GRM1: variants seen among roughly 807,000 people sequenced by gnomAD.
GRM1 encodes metabotropic glutamate receptor 1.
Under a neutral mutation model 90.9 loss-of-function variants are expected in GRM1, and 33 were observed. The observed-to-expected ratio is 0.36, with a 90% CI of 0.28 to 0.49. The LOEUF (loss-of-function observed/expected upper bound fraction) is 0.49. Ranked by LOEUF, GRM1 falls within the 20% of genes least tolerant of loss-of-function variation. The pLI, the probability that GRM1 is intolerant of heterozygous loss-of-function variation, is 0.99. For missense variants in GRM1, 1,190 were observed against 1,534.3 expected (o/e 0.78, Z 3.75); for synonymous variants, 700 against 613.2 (o/e 1.14, Z -2.09).
chr6:146,292,181 TGAAACCA>T (rs1783011275), intron 2 of GRM1, among the ~76,000 whole-genome samples: 1 of 151,904 alleles, frequency 6.6e-6, no homozygotes, highest in African/African-American at 2.4e-5. Flanking sequence ...ATATAAGAGG[TGAAACCA>T]TAAAATTTTA....
At chr6:146,295,111 G>A (rs1473987821) in intron 2 of GRM1, among the ~76,000 whole-genome samples, 1 of 151,926 alleles carries the variant, frequency 6.6e-6, no homozygotes, top group Admixed American at 6.6e-5. Flanking sequence ...GCCTTCTGTT[G>A]GAGAGTTTAG....
chr6:146,210,152 A>G (rs991863023), intron 2 of GRM1, among the ~76,000 whole-genome samples: 2 of 152,156 alleles, frequency 1.3e-5, no homozygotes, highest in African/African-American at 4.8e-5. Flanking sequence ...CAGCAGATTG[A>G]GTTGCAATGT....
At chr6:146,145,252 A>T (rs1340853711) in intron 1 of GRM1, among the ~76,000 whole-genome samples, 1 of 152,230 alleles carries the variant, frequency 6.6e-6, no homozygotes, top group Admixed American at 6.5e-5. Context: ...CTCAGCAACC[A>T]TATGGTGAAG....
At chr6:146,141,272 G>A (rs1776870387) in intron 1 of GRM1, among the ~76,000 whole-genome samples, 1 of 147,250 alleles carries the variant, frequency 6.8e-6, no homozygotes, top group Non-Finnish European at 1.5e-5. Flanking sequence ...TCCATTGTCT[G>A]TTCTTAGTTT....
intron 2 of GRM1, among the ~76,000 whole-genome samples, chr6:146,208,653 T>G (rs566723785): frequency 1.3e-5 from 2 of 152,264 alleles, no homozygotes; most frequent in African/African-American, 4.8e-5. Flanking sequence ...TACCTTTGAA[T>G]TTCACATATA....
At chr6:146,175,469 G>A (rs775003441) in intron 2 of GRM1, among the ~76,000 whole-genome samples, 1 of 152,172 alleles carries the variant, frequency 6.6e-6, no homozygotes, top group Non-Finnish European at 1.5e-5. Context: ...CTCACAAGTT[G>A]TCTGGACATG....
At chr6:146,317,328 G>T (rs1388010332) in intron 3 of GRM1, among the ~76,000 whole-genome samples, 1 of 152,158 alleles carries the variant, frequency 6.6e-6, no homozygotes, top group South Asian at 2.1e-4. Context: ...GCCTAAACAT[G>T]TAAGCTCAGT....
chr6:146,194,772 C>T lies in GRM1; in HGVS notation c.950+35175C>T, dbSNP rs140795355. On this transcript the variant is annotated intron_variant, in intron 2 of 7. Coordinates refer to ENST00000282753, the MANE Select transcript of GRM1 (RefSeq NM_001278064.2). Reference sequence around the variant, plus strand: ...ATATTGTCCCACAGGTCACTCTTTGCTTCGGTTCAACTGTCCTATAAGGTT... The same window carrying T: ...ATATTGTCCCACAGGTCACTCTTTGTTTCGGTTCAACTGTCCTATAAGGTT... Among the ~76,000 whole-genome samples, 438 of 152,316 alleles carry T rather than the reference C, an allele frequency of 2.9e-3. 3 individuals are homozygous for T. Among genetic ancestry groups the T allele is most frequent in the African/African-American group, 0.01 (423 of 41,564 alleles).
intron 2 of GRM1, among the ~76,000 whole-genome samples, chr6:146,203,000 C>T (rs1779358913): frequency 6.6e-6 from 1 of 151,890 alleles, no homozygotes; most frequent in South Asian, 2.1e-4. Flanking sequence ...GAGAGACAAT[C>T]CTGGCTAACA....
At chr6:146,354,415 A>G (rs1785512800) in intron 4 of GRM1, among the ~76,000 whole-genome samples, 1 of 152,208 alleles carries the variant, frequency 6.6e-6, no homozygotes, top group South Asian at 2.1e-4. Flanking sequence ...TGCCTAGCAC[A>G]AGGCCAGATG....
intron 1 of GRM1, among the ~76,000 whole-genome samples, chr6:146,151,360 G>C (rs541187122): frequency 8.5e-5 from 13 of 152,302 alleles, no homozygotes; most frequent in African/African-American, 3.1e-4. Context: ...GAATACAGTT[G>C]TTTGACCAAG....
At chr6:146,418,973 T>A (rs976202791) in intron 7 of GRM1, among the ~76,000 whole-genome samples, 9 of 152,178 alleles carry the variant, frequency 5.9e-5, no homozygotes, top group African/African-American at 2.2e-4. Context: ...AATTCTGACA[T>A]GAATTATGTC....
intron 4 of GRM1, among the ~76,000 whole-genome samples, chr6:146,353,539 G>A (rs988479322): frequency 1.3e-5 from 2 of 152,218 alleles, no homozygotes; most frequent in Non-Finnish European, 2.9e-5. Context: ...TGCAAGCGGT[G>A]GAGGCAAGTG....
At chr6:146,227,671 T>C (rs190579867) in intron 2 of GRM1, among the ~76,000 whole-genome samples, 1 of 152,276 alleles carries the variant, frequency 6.6e-6, no homozygotes, top group Admixed American at 6.5e-5. Context: ...ATAACAGAGA[T>C]ACCAATTAAA....
At chr6:146,423,389 A>G (rs1322367791) in intron 7 of GRM1, among the ~76,000 whole-genome samples, 1 of 152,168 alleles carries the variant, frequency 6.6e-6, no homozygotes, top group Non-Finnish European at 1.5e-5. Flanking sequence ...GTCTGTATGC[A>G]GGGTCATTTA....
At chr6:146,047,940 T>G (rs1048334130) in intron 1 of GRM1, among the ~76,000 whole-genome samples, 1 of 152,022 alleles carries the variant, frequency 6.6e-6, no homozygotes, top group Admixed American at 6.6e-5. Context: ...GATGCCACCC[T>G]TGGTGACAGA....
chr6:146,327,960 G>A (rs758800523), intron 3 of GRM1, among the ~76,000 whole-genome samples: 2 of 152,168 alleles, frequency 1.3e-5, no homozygotes, highest in Non-Finnish European at 1.5e-5. Flanking sequence ...TAAGGGACTG[G>A]ATTTCCACAG....
intron 2 of GRM1, among the ~76,000 whole-genome samples, chr6:146,230,971 A>G (rs541145794): frequency 9.2e-5 from 14 of 152,276 alleles, no homozygotes; most frequent in African/African-American, 2.9e-4. Context: ...CTATAGAGAC[A>G]ATAAAAAGAT....
intron 2 of GRM1, among the ~76,000 whole-genome samples, chr6:146,202,917 C>T (rs934884729): frequency 1.3e-5 from 2 of 152,100 alleles, no homozygotes; most frequent in Admixed American, 6.6e-5. Flanking sequence ...CTGAATTGGC[C>T]GGGCGCGGTG....
Sources: allele counts gnomAD v4.1 joint callset (sites outside exome capture counted in the v4.1 genomes callset), GRCh38; gene constraint gnomAD v4.1.1; transcripts MANE v1.5; gene names NCBI Gene and HGNC (gene_info 2026-07-23, HGNC 2026-07-21).